The following QRICH2 variants were observed in gnomAD, a reference collection of about 807,000 sequenced individuals.
The protein encoded by QRICH2 is glutamine-rich protein 2.
In QRICH2, 119 loss-of-function variants were observed where a neutral mutation model predicts 168.3. That is an observed-to-expected ratio of 0.71 (90% CI 0.61 to 0.82). QRICH2 has a LOEUF of 0.82. Among genes scored for constraint, QRICH2 ranks in the 40% least tolerant of loss-of-function variants. The probability of loss-of-function intolerance (pLI) is 0.00; values close to 1 mark genes in which losing one functional copy is unlikely to be tolerated. For synonymous variants in QRICH2, 894 were observed against 951.2 expected (o/e 0.94, Z 1.11); for missense variants, 2,241 against 2,491.6 (o/e 0.90, Z 2.14).
rs779029256 is a variant in QRICH2 at position 76,293,276 on chromosome 17, C to T, written c.1451G>A (p.Ser484Asn). 1.9e-6 allele frequency: 3 copies of T among 1,614,092 alleles called. No individual in the cohort carries two copies. The highest frequency in any genetic ancestry group is 2.2e-5 in the South Asian group (2 of 91,092). Residue 484 changes from serine (S) to asparagine (N), a missense_variant, in exon 4 of 19, where the codon AGT becomes AAT. Physicochemically the swap from Ser to Asn is conservative, Grantham distance 46. Transcript: ENST00000680821. The part of the protein sequence containing the change: ...GMTFPGTDQR[S>N]MEPLGMDQRG... ...CTGATCCATGCCAAGTGGTTCCATA[C>T]TGCGTTGGTCTGTGCCAGGAAATGT...
chr17:76,296,910 G>A (rs989196633), intron 3 of QRICH2, among the ~76,000 whole-genome samples: 15 of 152,132 alleles, frequency 9.9e-5, no homozygotes, highest in South Asian at 4.1e-4. Context: ...GTGGGGAGAC[G>A]TCCCAAGATT....
chr17:76,297,870 G>GTTTTTTTTTTTTTTTT lies in QRICH2; in HGVS notation c.706-3865_706-3850dup, dbSNP rs1169251679. The stretch of plus-strand genomic sequence containing the variant: ...AGTAGCTAGGACTACTTAGGAATCT[G>GTTTTTTTTTTTTTTTT]TTTTTTTTTTTTTTTTTTTTTTTTT... On this transcript the variant is annotated intron_variant, in intron 3 of 18. Coordinates refer to ENST00000680821, the MANE Select transcript of QRICH2 (RefSeq NM_001388453.1). 4.0e-4 allele frequency among the ~76,000 whole-genome samples: 32 copies of GTTTTTTTTTTTTTTTT among 79,490 alleles called. 2 individuals are homozygous for GTTTTTTTTTTTTTTTT. Among genetic ancestry groups the GTTTTTTTTTTTTTTTT allele is most frequent in the Middle Eastern group, 8.3e-3 (1 of 120 alleles). The allele number at this position is 79,490 out of a possible 152,430, so 52.1% of individuals were successfully genotyped here.
At chr17:76,277,130 T>C in intron 16 of QRICH2, 33 bp downstream of exon 16, 1 of 1,514,932 alleles carries the variant, frequency 6.6e-7, no homozygotes, top group Non-Finnish European at 8.8e-7. Flanking sequence ...TGTCAGGGCC[T>C]CCCTCCCTGG....
At chr17:76,302,504 A>T (rs1324806813) in intron 3 of QRICH2, among the ~76,000 whole-genome samples, 1 of 152,204 alleles carries the variant, frequency 6.6e-6, no homozygotes, top group Non-Finnish European at 1.5e-5. Context: ...AAGGATCTTG[A>T]GACGGAGGGA....
At chr17:76,288,383 TAAAA>T (rs770162922) in intron 5 of QRICH2, among the ~76,000 whole-genome samples, 549 of 39,162 alleles carry the variant, frequency 0.014, 2 homozygotes, top group Middle Eastern at 0.019. Context: ...GAATCAGTCT[TAAAA>T]AAAAAAAAAA....
intron 3 of QRICH2, among the ~76,000 whole-genome samples, chr17:76,303,267 T>C (rs112605190): frequency 0.11 from 16,977 of 151,956 alleles, 2,068 homozygotes; most frequent in African/African-American, 0.31. Flanking sequence ...CCCAGGTTGT[T>C]TTTTGTACCC....
At chr17:76,277,711 C>G (rs1020706076) in intron 15 of QRICH2, among the ~76,000 whole-genome samples, 1 of 151,864 alleles carries the variant, frequency 6.6e-6, no homozygotes, top group African/African-American at 2.4e-5. Flanking sequence ...CACACACATA[C>G]TCAAACACCC....
chr17:76,283,874 C>CA (rs34741886), intron 7 of QRICH2, among the ~76,000 whole-genome samples: 57,107 of 124,964 alleles, frequency 0.46, 14,720 homozygotes, highest in East Asian at 0.61. Flanking sequence ...AACTCTGTCT[C>CA]AAAAAAAAAA....
Position 76,282,062 on chromosome 17 carries a change from G to A in QRICH2, c.4065C>T (p.Leu1355=), listed in dbSNP as rs777368146. ...TGTGCGGGGCCATGCTCATGGACAG[G>A]AGCGTGGAGGAGGAGGTCAGCATGC... ...IESMLTSSST[L]LSMSMAPHKA... The change falls in exon 8 of 19, where the codon CTC becomes CTT. Residue 1355 remains leucine, a synonymous_variant. Coordinates refer to ENST00000680821, the MANE Select transcript of QRICH2 (RefSeq NM_001388453.1). 4 of 1,612,318 alleles carry A rather than the reference G, an allele frequency of 2.5e-6. No homozygotes were observed. The East Asian group carries it at 8.9e-5, about 36-fold the overall frequency.
At position 76,292,597 on chromosome 17, in the gene QRICH2, C is replaced by T; in HGVS notation, c.2130G>A (p.Leu710=). The part of the protein sequence containing the change: ...VVQPGADQHG[L]VQSGADQSDL... The stretch of plus-strand genomic sequence containing the variant: ...CACTCTGATCTGCACCAGATTGTAC[C>T]AAACCATGCTGATCTGCACCAGGTT... Residue 710 remains leucine (L), a synonymous_variant, in exon 4 of 19, where the codon TTG becomes TTA. Coordinates refer to ENST00000680821, the MANE Select transcript of QRICH2 (RefSeq NM_001388453.1). The T allele has an allele frequency of 1.9e-6, 3 of 1,614,134 alleles. No homozygotes were observed. The highest frequency in any genetic ancestry group is 2.5e-6 in the Non-Finnish European group (3 of 1,179,992).
At chr17:76,308,468 C>A (rs2071024743), upstream of QRICH2, 7 of 985,320 alleles carry the variant, frequency 7.1e-6, no homozygotes, top group South Asian at 3.3e-4. Flanking sequence ...AGGATTCACT[C>A]ACTCTTGGCG....
In QRICH2 at chr17:76,293,663, C is replaced by T; in HGVS notation, c.1064G>A (p.Arg355Lys). 1 of 1,614,220 alleles carries T rather than the reference C, an allele frequency of 6.2e-7. No individual in the cohort carries two copies. Among genetic ancestry groups the T allele is most frequent in the South Asian group, 1.1e-5 (1 of 91,092 alleles). The change falls in exon 4 of 19, where the codon AGA (arginine) becomes AAA (lysine). Residue 355 changes from arginine to lysine, a missense_variant. By Grantham distance (26) the Arg-to-Lys change is conservative (BLOSUM62 2). Around this residue, in one of 3 missense-constraint regions of QRICH2, gnomAD observed 2,047 missense variants for 2,303.8 expected, o/e 0.89. Coordinates refer to ENST00000680821, the MANE Select transcript of QRICH2 (RefSeq NM_001388453.1). ...TTGAACTGGACCAGGACGTGCATTT[C>T]TTCTTGGTTGTGTCGAGGTAAGCTT... ...REKLTSTQPR[R>K]NARPGPVQQD...
chr17:76,297,438 C>T (rs1172730390), intron 3 of QRICH2, among the ~76,000 whole-genome samples: 5 of 151,930 alleles, frequency 3.3e-5, no homozygotes, highest in Admixed American at 2.6e-4. Flanking sequence ...ACCCAGGAGG[C>T]GGAGATTGCA....
In QRICH2 at chr17:76,292,155, G is replaced by C. The variant is rs140261388; in HGVS notation, c.2572C>G (p.Gln858Glu). ...ACTCCAGGTTGGACCAAACCACGCT[G>C]ATCTGCACCAGGTTGGACCAAACCA... The part of the protein sequence containing the change: ...QHGLVQPGAD[Q>E]RGLVQPGVDQ... Residue 858 changes from glutamine to glutamate, a missense_variant, in exon 4 of 19, where the codon CAG becomes GAG. Gln to Glu is a conservative substitution (Grantham distance 29). This residue lies in a region of QRICH2 where 2,047 missense variants were observed against 2,303.8 expected (regional missense o/e 0.89). Transcript: ENST00000680821. The C allele has an allele frequency of 1.8e-3, 2,767 of 1,522,114 alleles. 53 individuals are homozygous for C. The African/African-American group carries it at 0.036, about 20-fold the overall frequency. 94.3% of individuals were successfully genotyped at this position (1,522,114 alleles called of 1,614,324 possible).
chr17:76,279,107 G>A lies in QRICH2; in HGVS notation c.4850C>T (p.Pro1617Leu). Residue 1617 changes from proline to leucine, a missense_variant, in exon 14 of 19, where the codon CCT (proline) becomes CTT (leucine). Pro to Leu is a moderately conservative substitution (Grantham distance 98). This residue lies in a region of QRICH2 where 2,047 missense variants were observed against 2,303.8 expected (regional missense o/e 0.89). Transcript: ENST00000680821. The part of the protein sequence containing the change: ...IPVTPAGPGL[P>L]GHHSIRPYTV... Reference sequence around the variant, plus strand: ...GTAGGGGCGGATGGAATGGTGCCCAGGTAGGCCTGGACCCGCGGGGGTCAC... The same window carrying A: ...GTAGGGGCGGATGGAATGGTGCCCAAGTAGGCCTGGACCCGCGGGGGTCAC... 2 of 1,613,784 alleles carry A rather than the reference G, an allele frequency of 1.2e-6. No individual in the cohort carries two copies. Among genetic ancestry groups the A allele is most frequent in the Non-Finnish European group, 1.7e-6 (2 of 1,179,972 alleles).
At chr17:76,290,881 C>G in intron 4 of QRICH2, 134 bp downstream of exon 4, 1 of 1,380,070 alleles carries the variant, frequency 7.2e-7, no homozygotes, top group Non-Finnish European at 9.7e-7. Flanking sequence ...GTGGGACATG[C>G]TCTGAATGAC....
chr17:76,279,481 G>C, intron 12 of QRICH2, 53 bp from the exon 13 acceptor site: 4 of 1,455,918 alleles, frequency 2.7e-6, no homozygotes, highest in Non-Finnish European at 3.8e-6. Context: ...GGAAGACCCA[G>C]AAGGGCTTGG....
At chr17:76,288,257 G>A (rs1440089572) in intron 5 of QRICH2, among the ~76,000 whole-genome samples, 3 of 151,594 alleles carry the variant, frequency 2.0e-5, no homozygotes, top group South Asian at 2.1e-4. Context: ...GGTGGCTGGC[G>A]CCTGTAATCC....
At position 76,291,350 on chromosome 17, in the gene QRICH2, T is replaced by A. The variant is rs771368122; in HGVS notation, c.3377A>T (p.Gln1126Leu). ...PGYLSADQHG[Q>L]EGLDPNRTRA... Reference sequence around the variant, plus strand: ...TGTTCTATTTGGATCCAAACCTTCCTGGCCATGCTGATCAGCACTTAGATA... The same window carrying A: ...TGTTCTATTTGGATCCAAACCTTCCAGGCCATGCTGATCAGCACTTAGATA... Residue 1126 changes from glutamine to leucine, a missense_variant, in exon 4 of 19, where the codon CAG becomes CTG. Around this residue, in one of 3 missense-constraint regions of QRICH2, gnomAD observed 2,047 missense variants for 2,303.8 expected, o/e 0.89. Transcript: ENST00000680821. 6.2e-7 allele frequency: 1 copy of A among 1,614,126 alleles called. No homozygotes were observed. The highest frequency in any genetic ancestry group is 8.5e-7 in the Non-Finnish European group (1 of 1,180,018).
Sources: gnomAD v4.1 joint callset for allele counts (sites outside exome capture counted in the v4.1 genomes callset) on GRCh38, gnomAD v4.1.1 for gene constraint, gnomAD v4.1.1 regional missense constraint, MANE v1.5 for transcripts, NCBI Gene and HGNC (gene_info 2026-07-23, HGNC 2026-07-21) for gene names.